ALMS1: variants seen among roughly 807,000 people sequenced by gnomAD.
ALMS1 encodes ALMS1 centrosome and basal body associated protein.
In ALMS1, 271 loss-of-function variants were observed where a neutral mutation model predicts 352.2. The ratio of observed to expected loss-of-function variants is 0.77; its 90% CI spans 0.70 to 0.85. The LOEUF (loss-of-function observed/expected upper bound fraction) is 0.85. Among genes scored for constraint, ALMS1 ranks in the 40% least tolerant of loss-of-function variants. The pLI, the probability that ALMS1 is intolerant of heterozygous loss-of-function variation, is 0.00. For missense variants in ALMS1, 5,445 were observed against 4,870.7 expected (o/e 1.12, Z -3.51); for synonymous variants, 1,865 against 1,761.2 (o/e 1.06, Z -1.48).
chr2:73,552,467 G>A (rs1674459355), intron 13 of ALMS1, among the ~76,000 whole-genome samples: 2 of 152,208 alleles, frequency 1.3e-5, no homozygotes, highest in South Asian at 4.1e-4. Context: ...GGTGAGTGTA[G>A]ATGTGGAAAA....
intron 12 of ALMS1, among the ~76,000 whole-genome samples, chr2:73,542,804 C>A (rs1417262097): frequency 1.3e-5 from 2 of 151,948 alleles, no homozygotes; most frequent in African/African-American, 4.8e-5. Context: ...ATCCAACTTA[C>A]AAGGGATGTG....
At chr2:73,387,853 A>G (rs1670570879) in intron 1 of ALMS1, among the ~76,000 whole-genome samples, 1 of 152,206 alleles carries the variant, frequency 6.6e-6, no homozygotes, top group Non-Finnish European at 1.5e-5. Flanking sequence ...AAAGTTTGGA[A>G]TAGGGAAGTG....
chr2:73,399,817 C>T (rs565539935), intron 1 of ALMS1, among the ~76,000 whole-genome samples: 1 of 151,946 alleles, frequency 6.6e-6, no homozygotes, highest in East Asian at 1.9e-4. Flanking sequence ...GAATATTCCC[C>T]TCTATTCCTA....
At chr2:73,603,150 C>T in intron 20 of ALMS1, 91 bp from the exon 21 acceptor site, 1 of 1,253,934 alleles carries the variant, frequency 8.0e-7, no homozygotes, top group South Asian at 1.2e-5. Context: ...GGTAGGGGCA[C>T]CAAGTCCTAG....
At chr2:73,408,059 G>C (rs1275413972) in intron 1 of ALMS1, among the ~76,000 whole-genome samples, 2 of 152,004 alleles carry the variant, frequency 1.3e-5, no homozygotes, top group Non-Finnish European at 2.9e-5. Context: ...GGAAGCTCTG[G>C]GTTCTTATTC....
Position 73,578,382 on chromosome 2 carries a change from A to G in ALMS1, c.11547+4958A>G, listed in dbSNP as rs562347831. Among the ~76,000 whole-genome samples the G allele has an allele frequency of 7.2e-5, 11 of 152,224 alleles. No homozygotes were observed. In the East Asian group the frequency reaches 1.5e-3, roughly 21 times the overall value. ...GTATAATCCATTTACATTTAATTTCATAAGAAAGGACTTACTTTCCCCGTG... is the reference window on the plus strand; with the variant it reads ...GTATAATCCATTTACATTTAATTTCGTAAGAAAGGACTTACTTTCCCCGTG... On this transcript the variant is annotated intron_variant, in intron 16 of 22. Transcript: ENST00000613296.
rs1317766015 is a variant in ALMS1 at position 73,448,792 on chromosome 2, G to A, written c.2265G>A (p.Glu755=). The change falls in exon 8 of 23, where the codon GAG becomes GAA. Residue 755 remains glutamate (E), a synonymous_variant. Coordinates refer to ENST00000613296, the MANE Select transcript of ALMS1 (RefSeq NM_001378454.1). ...CTGGACCAGCTGACCAGAAGACTGA[G>A]ATACCAGCAGTACAGTCTAGTTCTT... ...ATPGPADQKT[E]IPAVQSSSYS... The A allele has an allele frequency of 1.2e-6, 2 of 1,613,994 alleles. No individual in the cohort carries two copies. Among genetic ancestry groups the A allele is most frequent in the South Asian group, 1.1e-5 (1 of 91,076 alleles).
chr2:73,602,158 GCATTTTCT>G lies in ALMS1; in HGVS notation c.12115-25_12115-18del. 1.2e-6 allele frequency: 2 copies of G among 1,602,444 alleles called. No homozygotes were observed. Among genetic ancestry groups the G allele is most frequent in the Non-Finnish European group, 1.7e-6 (2 of 1,173,432 alleles). On this transcript the variant is annotated intron_variant, in intron 19 of 22. Coordinates refer to ENST00000613296, the MANE Select transcript of ALMS1 (RefSeq NM_001378454.1). ...GATTGCATCATTAATCTGAGGCTGG[GCATTTTCT>G]CTTTTTTTTTTCTTTTAGGAATCGC...
chr2:73,520,909 A>T (rs1673661814), intron 11 of ALMS1, among the ~76,000 whole-genome samples: 1 of 152,138 alleles, frequency 6.6e-6, no homozygotes, highest in Admixed American at 6.5e-5. Flanking sequence ...GAAGATGGAG[A>T]CTTTACTAAT....
At chr2:73,429,806 C>T (rs186953430) in intron 6 of ALMS1, among the ~76,000 whole-genome samples, 2 of 152,254 alleles carry the variant, frequency 1.3e-5, no homozygotes, top group African/African-American at 4.8e-5. Flanking sequence ...CCAAATTCAA[C>T]TTGCTCTATA....
chr2:73,453,340 T>C lies in ALMS1; in HGVS notation c.6813T>C (p.Asn2271=), dbSNP rs1558651329. The change falls in exon 8 of 23, where the codon AAT becomes AAC. Residue 2271 remains asparagine (N), a synonymous_variant. Coordinates refer to ENST00000613296, the MANE Select transcript of ALMS1 (RefSeq NM_001378454.1). ...GGACACTTTTGATGGAGGCAGAAAA[T>C]ATGGCACTGAAACGATGCAATTTTC... ...EIRTLLMEAE[N]MALKRCNFPA... The C allele has an allele frequency of 1.9e-6, 3 of 1,613,758 alleles. No individual in the cohort carries two copies. Among genetic ancestry groups the C allele is most frequent in the Non-Finnish European group, 2.5e-6 (3 of 1,179,920 alleles).
At chr2:73,406,894 G>A (rs992291056) in intron 1 of ALMS1, among the ~76,000 whole-genome samples, 1 of 152,082 alleles carries the variant, frequency 6.6e-6, no homozygotes, top group East Asian at 1.9e-4. Flanking sequence ...CCAAAGTGCT[G>A]GATTACAGGC....
In ALMS1 at chr2:73,451,077, C is replaced by G; in HGVS notation, c.4550C>G (p.Thr1517Ser). Residue 1517 changes from threonine to serine, a missense_variant, in exon 8 of 23, where the codon ACT (threonine) becomes AGT (serine). Transcript: ENST00000613296. Reference sequence around the variant, plus strand: ...GTTGGCCAGACAACTGGCGCACCAACTATAACCTCTCCTTCCTACTCACAA... The same window carrying G: ...GTTGGCCAGACAACTGGCGCACCAAGTATAACCTCTCCTTCCTACTCACAA... ...GPVGQTTGAP[T>S]ITSPSYSQHR... 1 of 1,613,936 alleles carries G rather than the reference C, an allele frequency of 6.2e-7. No homozygotes were observed. The highest frequency in any genetic ancestry group is 8.5e-7 in the Non-Finnish European group (1 of 1,179,968).
chr2:73,453,116 C>T lies in ALMS1; in HGVS notation c.6589C>T (p.Leu2197Phe). The change falls in exon 8 of 23, where the codon CTT (leucine) becomes TTT (phenylalanine). Residue 2197 changes from leucine (L) to phenylalanine (F), a missense_variant. Coordinates refer to ENST00000613296, the MANE Select transcript of ALMS1 (RefSeq NM_001378454.1). ...GTYSHGENHK[L>F]VSEHVQRLID... The stretch of plus-strand genomic sequence containing the variant: ...TTACTCACATGGTGAGAATCACAAG[C>T]TTGTTTCAGAACATGTCCAAAGGCT... The T allele has an allele frequency of 6.2e-7, 1 of 1,614,048 alleles. No homozygotes were observed. The highest frequency in any genetic ancestry group is 8.5e-7 in the Non-Finnish European group (1 of 1,179,978).
At chr2:73,515,074 A>G (rs2103951866) in intron 10 of ALMS1, among the ~76,000 whole-genome samples, 1 of 152,256 alleles carries the variant, frequency 6.6e-6, no homozygotes, top group East Asian at 1.9e-4. Context: ...TTACACATGT[A>G]TTGGATTATA....
intron 12 of ALMS1, among the ~76,000 whole-genome samples, chr2:73,537,838 C>T (rs1017788972): frequency 3.9e-5 from 6 of 151,992 alleles, no homozygotes; most frequent in Non-Finnish European, 5.9e-5. Flanking sequence ...AAGACCCTGT[C>T]TCTACAAAAA....
intron 16 of ALMS1, among the ~76,000 whole-genome samples, chr2:73,579,540 A>G (rs549936075): frequency 5.3e-5 from 8 of 151,762 alleles, no homozygotes; most frequent in African/African-American, 1.9e-4. Flanking sequence ...TTTGTATTTT[A>G]GTAGAGACGT....
At chr2:73,458,407 T>C (rs960890141) in intron 9 of ALMS1, 14 of 152,186 alleles carry the variant, frequency 9.2e-5, no homozygotes, top group Admixed American at 4.6e-4. Context: ...AAAATACATA[T>C]TGAATGCCTG....
At chr2:73,601,778 C>T (rs998862062) in intron 19 of ALMS1, among the ~76,000 whole-genome samples, 4 of 152,220 alleles carry the variant, frequency 2.6e-5, no homozygotes, top group South Asian at 2.1e-4. Flanking sequence ...CCTCCATGTC[C>T]GTAGCTCCTG....
Sources: allele counts gnomAD v4.1 joint callset (sites outside exome capture counted in the v4.1 genomes callset), GRCh38; gene constraint gnomAD v4.1.1; transcripts MANE v1.5; gene names NCBI Gene and HGNC (gene_info 2026-07-23, HGNC 2026-07-21).